ITGB3BP: variants seen among roughly 807,000 people sequenced by gnomAD.
ITGB3BP encodes the protein integrin subunit beta 3 binding protein.
In ITGB3BP, 27 loss-of-function variants were observed where a neutral mutation model predicts 29.1. The ratio of observed to expected loss-of-function variants is 0.93; its 90% CI spans 0.68 to 1.28. The LOEUF (loss-of-function observed/expected upper bound fraction) is 1.28. ITGB3BP is among the 50% of genes most tolerant of loss of function. ITGB3BP has a pLI of 0.00. For missense variants in ITGB3BP, 192 were observed against 200.2 expected, an observed-to-expected ratio of 0.96 and a Z score of 0.25; for synonymous variants, 61 against 61.4, an observed-to-expected ratio of 0.99 and a Z score of 0.03.
intron 1 of ITGB3BP, among the ~76,000 whole-genome samples, chr1:63,522,641 A>C (rs1484905914): frequency 6.6e-6 from 1 of 152,158 alleles, no homozygotes; most frequent in Admixed American, 6.5e-5. Flanking sequence ...TTATTTGTGT[A>C]AGTAAAAAAA....
intron 2 of ITGB3BP, among the ~76,000 whole-genome samples, chr1:63,493,454 A>AAGCC (rs1553164337): frequency 1.4e-5 from 2 of 144,266 alleles, no homozygotes; most frequent in Non-Finnish European, 3.1e-5. Flanking sequence ...ACAAACAAAC[A>AAGCC]AACCTGCTTG....
rs75273740 is a variant in ITGB3BP, at chr1:63,516,076, T to C, written c.5+7053A>G. Among the ~76,000 whole-genome samples the C allele has an allele frequency of 2.9e-4, 44 of 151,422 alleles. 2 individuals are homozygous for C. The East Asian group carries it at 7.4e-3, about 26-fold the overall frequency. On this transcript the variant is annotated intron_variant, in intron 1 of 8. Coordinates refer to ENST00000271002, the MANE Select transcript of ITGB3BP (RefSeq NM_014288.5). ...AAAAAAGAATGATACCGTGTTGTTC[T>C]GCAACAACATGAATAGAGCTGGAAA...
At chr1:63,485,292 TGAA>T (rs35444194) in intron 3 of ITGB3BP, among the ~76,000 whole-genome samples, 14 of 152,076 alleles carry the variant, frequency 9.2e-5, no homozygotes, top group African/African-American at 2.9e-4. Context: ...AAAAATACAA[TGAA>T]GAAGTCAACT....
chr1:63,491,046 G>C (rs1038294489), intron 2 of ITGB3BP, among the ~76,000 whole-genome samples: 45 of 152,156 alleles, frequency 3.0e-4, no homozygotes, highest in Non-Finnish European at 5.7e-4. Flanking sequence ...CAGTCACTAG[G>C]CTATGTGCAT....
At chr1:63,522,627 A>T (rs1646480293) in intron 1 of ITGB3BP, among the ~76,000 whole-genome samples, 3 of 152,166 alleles carry the variant, frequency 2.0e-5, no homozygotes, top group African/African-American at 7.2e-5. Context: ...CATGCAGTAC[A>T]AACTTATTTG....
chr1:63,470,631 C>A (rs1335805696), intron 4 of ITGB3BP, among the ~76,000 whole-genome samples: 1 of 152,106 alleles, frequency 6.6e-6, no homozygotes. Context: ...TAGATAAATA[C>A]CATAATTTGT....
At chr1:63,473,508 T>G (rs1645253750) in intron 4 of ITGB3BP, among the ~76,000 whole-genome samples, 1 of 130,436 alleles carries the variant, frequency 7.7e-6, no homozygotes, top group Non-Finnish European at 1.6e-5. Flanking sequence ...AGCCGCCCAG[T>G]CCGGGAGGGA....
chr1:63,441,287 G>C (rs1644727197), intron 8 of ITGB3BP, among the ~76,000 whole-genome samples, 184 bp from the exon 9 acceptor site: 1 of 152,160 alleles, frequency 6.6e-6, no homozygotes, highest in African/African-American at 2.4e-5. Context: ...CCCCAGGCTG[G>C]AGTGGAGTGG....
At chr1:63,523,954 G>A (rs559116203), upstream of ITGB3BP, among the ~76,000 whole-genome samples, 46 of 152,178 alleles carry the variant, frequency 3.0e-4, no homozygotes, top group Admixed American at 2.9e-3. Flanking sequence ...TATTTATGGA[G>A]CCGTTTGCTG....
chr1:63,511,477 T>G (rs1489142089), intron 1 of ITGB3BP, among the ~76,000 whole-genome samples: 1 of 152,114 alleles, frequency 6.6e-6, no homozygotes, highest in Non-Finnish European at 1.5e-5. Flanking sequence ...AACAGATATT[T>G]GTACACCAAT....
intron 4 of ITGB3BP, chr1:63,458,337 C>A (rs570055024): frequency 6.6e-6 from 1 of 152,120 alleles, no homozygotes; most frequent in East Asian, 1.9e-4. Flanking sequence ...TTTACTTTTT[C>A]TCTATTAAGT....
chr1:63,446,131 T>G (rs1644787970), intron 8 of ITGB3BP, among the ~76,000 whole-genome samples: 1 of 152,116 alleles, frequency 6.6e-6, no homozygotes, highest in South Asian at 2.1e-4. Context: ...ACTCCTGACC[T>G]CGAGTGGTCC....
intron 1 of ITGB3BP, among the ~76,000 whole-genome samples, chr1:63,520,390 T>C (rs574223553): frequency 2.6e-5 from 4 of 152,250 alleles, no homozygotes; most frequent in South Asian, 2.1e-4. Context: ...TCAACCTAGA[T>C]AGAGAAATGA....
At chr1:63,494,242 C>A (rs10789141) in intron 2 of ITGB3BP, among the ~76,000 whole-genome samples, 1 of 151,730 alleles carries the variant, frequency 6.6e-6, no homozygotes, top group Non-Finnish European at 1.5e-5. Flanking sequence ...CGGGTTCAAG[C>A]GAAGTAGCTG....
intron 1 of ITGB3BP, among the ~76,000 whole-genome samples, chr1:63,509,861 T>C (rs1157875867): frequency 6.6e-6 from 1 of 152,202 alleles, no homozygotes; most frequent in Non-Finnish European, 1.5e-5. Flanking sequence ...TTGCCCTATT[T>C]GGGTATGTAA....
At chr1:63,472,082 AGACT>A (rs1480914391) in intron 4 of ITGB3BP, among the ~76,000 whole-genome samples, 1 of 150,736 alleles carries the variant, frequency 6.6e-6, no homozygotes, top group East Asian at 2.0e-4. Context: ...AAATCTGAAC[AGACT>A]GACTTTCAGA....
At chr1:63,482,739 C>T (rs892420299) in intron 3 of ITGB3BP, among the ~76,000 whole-genome samples, 1 of 151,428 alleles carries the variant, frequency 6.6e-6, no homozygotes, top group Non-Finnish European at 1.5e-5. Context: ...CTGCAACCTC[C>T]GCCTCCCGGG....
chr1:63,505,996 T>C (rs373015444), intron 2 of ITGB3BP, among the ~76,000 whole-genome samples: 26 of 152,212 alleles, frequency 1.7e-4, no homozygotes, highest in East Asian at 9.6e-4. Context: ...TTCTGTTGAT[T>C]TGGGGTGGAG....
chr1:63,481,029 C>T (rs1233869463), intron 3 of ITGB3BP, among the ~76,000 whole-genome samples: 2 of 152,102 alleles, frequency 1.3e-5, no homozygotes, highest in African/African-American at 2.4e-5. Flanking sequence ...GAATTTTGTA[C>T]TATGCTGTTT....
Sources: allele counts gnomAD v4.1 joint callset (sites outside exome capture counted in the v4.1 genomes callset), GRCh38; gene constraint gnomAD v4.1.1; transcripts MANE v1.5; gene names NCBI Gene and HGNC (gene_info 2026-07-23, HGNC 2026-07-21).